PRDM5: variants seen among roughly 807,000 people sequenced by gnomAD.
The protein encoded by PRDM5 is PR/SET domain 5.
Under a neutral mutation model 81.2 loss-of-function variants are expected in PRDM5, and 56 were observed. That is an observed-to-expected ratio of 0.69 (90% CI 0.56 to 0.86). The LOEUF (loss-of-function observed/expected upper bound fraction) is 0.86. PRDM5 is among the 40% of genes least tolerant of loss of function. PRDM5 has a pLI of 0.00. For missense variants in PRDM5, 697 were observed against 770.1 expected (o/e 0.91, Z 1.12); for synonymous variants, 267 against 256.4 (o/e 1.04, Z -0.39).
At position 120,708,100 on chromosome 4, in the gene PRDM5, G is replaced by A. The variant is rs541725378; in HGVS notation, c.1728+2209C>T. ...TAAGGAAAACAGTATGTCAGTTCCC[G>A]AAAAAGTTAAACAGAATTACCATAT... On this transcript the variant is annotated intron_variant, in intron 15 of 15. Coordinates refer to ENST00000264808, the MANE Select transcript of PRDM5 (RefSeq NM_018699.4). Among the ~76,000 whole-genome samples, 30 of 152,140 alleles carry A rather than the reference G, an allele frequency of 2.0e-4. No individual in the cohort carries two copies. In the South Asian group the frequency reaches 2.9e-3, roughly 15 times the overall value.
At chr4:120,685,641 G>A (rs1280170889) in intron 1 of PRDM5, among the ~76,000 whole-genome samples, 9 of 151,680 alleles carry the variant, frequency 5.9e-5, no homozygotes, top group Admixed American at 1.3e-4. Flanking sequence ...TCTTGAACTC[G>A]AACTGTGTCA....
At chr4:120,824,364 G>A in intron 3 of PRDM5, among the ~76,000 whole-genome samples, 1 of 152,040 alleles carries the variant, frequency 6.6e-6, no homozygotes, top group Non-Finnish European at 1.5e-5. Context: ...GTCCCTCCTG[G>A]ACGCCTTGTA....
chr4:120,750,632 C>T (rs893582398), intron 14 of PRDM5, among the ~76,000 whole-genome samples: 35 of 151,884 alleles, frequency 2.3e-4, no homozygotes, highest in Non-Finnish European at 4.4e-4. Context: ...ATACCTATTT[C>T]CAGGCATAAG....
In PRDM5 at chr4:120,922,551, C is replaced by G. The variant is rs1402143467; in HGVS notation, c.58G>C (p.Gly20Arg). ...FSLKSSRVQD[G>R]MGLYTARRVR... ...CTGCGGGCCGTGTAGAGCCCCATGC[C>G]GTCCTGAACCCGGGAGGACTTCAGG... The change falls in exon 1 of 16, where the codon GGC becomes CGC. Residue 20 changes from glycine to arginine, a missense_variant. Coordinates refer to ENST00000264808, the MANE Select transcript of PRDM5 (RefSeq NM_018699.4). The G allele has an allele frequency of 1.2e-6, 2 of 1,610,990 alleles. No individual in the cohort carries two copies. The highest frequency in any genetic ancestry group is 1.7e-6 in the Non-Finnish European group (2 of 1,179,054).
At chr4:120,711,464 A>ATTT (rs5861485) in intron 14 of PRDM5, among the ~76,000 whole-genome samples, 1 of 134,368 alleles carries the variant, frequency 7.4e-6, no homozygotes. Flanking sequence ...ATACCCAGCT[A>ATTT]TTTTTTTTTT....
At chr4:120,736,979 C>T (rs1025750313) in intron 14 of PRDM5, among the ~76,000 whole-genome samples, 2 of 152,124 alleles carry the variant, frequency 1.3e-5, no homozygotes, top group African/African-American at 4.8e-5. Flanking sequence ...CATTCATTTC[C>T]ATCCCAGTAT....
chr4:120,732,110 C>G (rs1199175090), intron 14 of PRDM5, among the ~76,000 whole-genome samples: 1 of 152,046 alleles, frequency 6.6e-6, no homozygotes, highest in Non-Finnish European at 1.5e-5. Flanking sequence ...AAGAGGAGCT[C>G]CTGCAGTCTT....
intron 14 of PRDM5, among the ~76,000 whole-genome samples, chr4:120,710,983 C>T (rs919232052): frequency 2.0e-5 from 3 of 152,200 alleles, no homozygotes; most frequent in African/African-American, 7.2e-5. Context: ...ATGACTAGCT[C>T]AAGGCAGTTC....
intron 14 of PRDM5, among the ~76,000 whole-genome samples, chr4:120,722,197 G>A (rs751738948): frequency 3.3e-5 from 5 of 152,098 alleles, no homozygotes; most frequent in African/African-American, 1.2e-4. Context: ...ACGATCCCCC[G>A]AGTGTTCTTT....
intron 3 of PRDM5, among the ~76,000 whole-genome samples, chr4:120,851,096 T>C (rs563193960): frequency 3.3e-5 from 5 of 152,244 alleles, no homozygotes; most frequent in African/African-American, 1.2e-4. Flanking sequence ...CATAACACTT[T>C]GTAAGTTTAG....
At chr4:120,898,609 C>T (rs1764912363) in intron 2 of PRDM5, among the ~76,000 whole-genome samples, 1 of 152,190 alleles carries the variant, frequency 6.6e-6, no homozygotes, top group Non-Finnish European at 1.5e-5. Context: ...CACTCTAGGA[C>T]TCCTTGCTTT....
intron 14 of PRDM5, among the ~76,000 whole-genome samples, chr4:120,738,141 A>G (rs1303100413): frequency 6.6e-6 from 1 of 152,232 alleles, no homozygotes; most frequent in Non-Finnish European, 1.5e-5. Flanking sequence ...CCAAATAGGG[A>G]ACGTCCCAAC....
At chr4:120,806,479 TG>T (rs1402229021) in intron 8 of PRDM5, among the ~76,000 whole-genome samples, 2 of 152,176 alleles carry the variant, frequency 1.3e-5, no homozygotes, top group African/African-American at 2.4e-5. Flanking sequence ...CAAAACAGCA[TG>T]GCACTGGTAC....
chr4:120,704,906 A>G (rs578038494), intron 15 of PRDM5, among the ~76,000 whole-genome samples: 6 of 152,214 alleles, frequency 3.9e-5, no homozygotes, highest in Non-Finnish European at 7.3e-5. Flanking sequence ...AAGTGAAAAG[A>G]ATTCACAAAA....
chr4:120,759,797 C>T (rs1440733823), intron 13 of PRDM5, among the ~76,000 whole-genome samples: 1 of 152,072 alleles, frequency 6.6e-6, no homozygotes, highest in African/African-American at 2.4e-5. Context: ...TTTGCTTAGG[C>T]TAGTCACAGT....
At chr4:120,737,942 C>T (rs936006082) in intron 14 of PRDM5, among the ~76,000 whole-genome samples, 14 of 152,164 alleles carry the variant, frequency 9.2e-5, no homozygotes, top group African/African-American at 2.4e-4. Flanking sequence ...AACCTAATAA[C>T]TCACTAGATG....
chr4:120,825,583 C>T (rs1485499818), intron 3 of PRDM5, among the ~76,000 whole-genome samples: 1 of 152,204 alleles, frequency 6.6e-6, no homozygotes, highest in East Asian at 1.9e-4. Flanking sequence ...CCACTACTCA[C>T]TGCTACAGTC....
At chr4:120,900,264 C>T (rs149375943) in intron 2 of PRDM5, among the ~76,000 whole-genome samples, 1,930 of 152,230 alleles carry the variant, frequency 0.013, 25 homozygotes, top group Middle Eastern at 0.058. Flanking sequence ...AAGTTCCAAC[C>T]CTCTAATCAC....
At chr4:120,713,247 T>G (rs1015685879) in intron 14 of PRDM5, among the ~76,000 whole-genome samples, 1 of 152,214 alleles carries the variant, frequency 6.6e-6, no homozygotes, top group Non-Finnish European at 1.5e-5. Flanking sequence ...GACTGCCATA[T>G]AGCTATAAAA....
Sources: gnomAD v4.1 joint callset for allele counts (sites outside exome capture counted in the v4.1 genomes callset) on GRCh38, gnomAD v4.1.1 for gene constraint, MANE v1.5 for transcripts, NCBI Gene and HGNC (gene_info 2026-07-23, HGNC 2026-07-21) for gene names.